Variants in HCN1 observed in about 807,000 individuals in gnomAD.
HCN1 encodes the protein hyperpolarization activated cyclic nucleotide gated potassium channel 1, also known as potassium/sodium hyperpolarization-activated cyclic nucleotide-gated channel 1.
Under a neutral mutation model 78.9 loss-of-function variants are expected in HCN1, and 13 were observed. The observed-to-expected ratio is 0.16, with a 90% CI of 0.11 to 0.26. The LOEUF (loss-of-function observed/expected upper bound fraction) is 0.26, where lower values mean the gene tolerates loss of function less well. Ranked by LOEUF, HCN1 falls within the 10% of genes least tolerant of loss-of-function variation. The pLI is 1.00. For synonymous variants in HCN1, 552 were observed against 455.5 expected (o/e 1.21, Z -2.70); for missense variants, 810 against 1,154.3 (o/e 0.70, Z 4.32).
At chr5:45,510,542 C>T (rs550057483) in intron 2 of HCN1, among the ~76,000 whole-genome samples, 1 of 151,716 alleles carries the variant, frequency 6.6e-6, no homozygotes, top group Non-Finnish European at 1.5e-5. Flanking sequence ...GTGGGTATAC[C>T]AAATATAGTG....
chr5:45,567,956 ACTG>A (rs1743744386), intron 2 of HCN1, among the ~76,000 whole-genome samples: 2 of 151,698 alleles, frequency 1.3e-5, no homozygotes, highest in Admixed American at 6.6e-5. Context: ...ATATACACAC[ACTG>A]CTATCTATGG....
At chr5:45,419,249 C>G (rs940164882) in intron 3 of HCN1, among the ~76,000 whole-genome samples, 7 of 152,058 alleles carry the variant, frequency 4.6e-5, no homozygotes, top group African/African-American at 1.7e-4. Context: ...AACAAGTTAC[C>G]AAGTAACTGC....
intron 3 of HCN1, among the ~76,000 whole-genome samples, chr5:45,446,725 C>T (rs1375089071): frequency 2.0e-5 from 3 of 151,930 alleles, no homozygotes; most frequent in Non-Finnish European, 2.9e-5. Context: ...AGAGTGGGGG[C>T]CAATATTCAA....
intron 4 of HCN1, among the ~76,000 whole-genome samples, chr5:45,366,161 C>A (rs1307938931): frequency 7.2e-6 from 1 of 138,554 alleles, no homozygotes; most frequent in South Asian, 2.3e-4. Context: ...TACATTATAG[C>A]ATTTGTGTGT....
At chr5:45,584,804 G>T (rs572666382) in intron 2 of HCN1, among the ~76,000 whole-genome samples, 1 of 152,256 alleles carries the variant, frequency 6.6e-6, no homozygotes, top group East Asian at 1.9e-4. Context: ...AGTTTGGCTG[G>T]ATATGAAATT....
chr5:45,356,022 T>C (rs1181716102), intron 4 of HCN1, among the ~76,000 whole-genome samples: 1 of 152,016 alleles, frequency 6.6e-6, no homozygotes, highest in African/African-American at 2.4e-5. Context: ...TATGAAAATA[T>C]CACTTCCATG....
chr5:45,364,366 C>T (rs948452051), intron 4 of HCN1, among the ~76,000 whole-genome samples: 1 of 151,918 alleles, frequency 6.6e-6, no homozygotes, highest in Admixed American at 6.6e-5. Context: ...AAACATCTAC[C>T]CTTACAACAT....
chr5:45,386,948 G>C (rs1334742744), intron 4 of HCN1, among the ~76,000 whole-genome samples: 1 of 151,964 alleles, frequency 6.6e-6, no homozygotes, highest in Non-Finnish European at 1.5e-5. Context: ...ACTTCAGTAA[G>C]TGGGAGACAG....
rs535259920 is a variant in HCN1, at chr5:45,372,807, T to C, written c.1231-19561A>G. 1.8e-4 allele frequency among the ~76,000 whole-genome samples: 26 copies of C among 141,502 alleles called. 1 individual carries two copies. The highest frequency in any genetic ancestry group is 6.9e-4 in the African/African-American group (26 of 37,868). 92.8% of individuals were successfully genotyped at this position (141,502 alleles called of 152,430 possible). A position where few individuals can be genotyped will look rare whatever the true frequency, so the allele number is the denominator to read the frequency against. On this transcript the variant is annotated intron_variant, in intron 4 of 7. Transcript: ENST00000303230. ...TACACAAAAATATTTACGTATTCTA[T>C]ACACAAATATATGTACGTATTCTAT...
intron 2 of HCN1, among the ~76,000 whole-genome samples, chr5:45,598,151 C>T (rs1744545249): frequency 6.6e-6 from 1 of 152,120 alleles, no homozygotes; most frequent in South Asian, 2.1e-4. Context: ...CATGACGATA[C>T]CCGACTTCAA....
At chr5:45,548,696 A>C (rs989974302) in intron 2 of HCN1, among the ~76,000 whole-genome samples, 5 of 152,148 alleles carry the variant, frequency 3.3e-5, no homozygotes, top group African/African-American at 1.2e-4. Context: ...GGAAAAGAGG[A>C]AGTCAAATTG....
intron 1 of HCN1, among the ~76,000 whole-genome samples, chr5:45,694,920 C>A (rs1488907960): frequency 1.3e-5 from 2 of 152,186 alleles, no homozygotes; most frequent in African/African-American, 4.8e-5. Context: ...AATAGACTTG[C>A]AGTCAAGGTC....
At chr5:45,334,409 A>T (rs569799998) in intron 5 of HCN1, among the ~76,000 whole-genome samples, 1 of 151,622 alleles carries the variant, frequency 6.6e-6, no homozygotes, top group East Asian at 1.9e-4. Flanking sequence ...ATTCCAGGCC[A>T]TGGTGAACAC....
Position 45,262,750 on chromosome 5 carries a change from T to C in HCN1, c.1844A>G (p.Asn615Ser), listed in dbSNP as rs773048866. The change falls in exon 8 of 8, where the codon AAC becomes AGC. Residue 615 changes from asparagine to serine, a missense_variant. Asn to Ser is a conservative substitution (Grantham distance 46). This residue lies in a region of HCN1 where 398 missense variants were observed against 381.3 expected (regional missense o/e 1.04). Transcript: ENST00000303230. Reference sequence around the variant, plus strand: ...CTTGAGGATTTCGTTCTCCTGATTGTTGAAAACACCAGTGTTCAGATCCTT... The same window carrying C: ...CTTGAGGATTTCGTTCTCCTGATTGCTGAAAACACCAGTGTTCAGATCCTT... ...FQKDLNTGVFNNQENEILKQI... is the reference protein window; with the variant it reads ...FQKDLNTGVFSNQENEILKQI... 4.3e-6 allele frequency: 7 copies of C among 1,614,028 alleles called. No homozygotes were observed. The highest frequency in any genetic ancestry group is 2.7e-5 in the African/African-American group (2 of 74,906).
intron 2 of HCN1, among the ~76,000 whole-genome samples, chr5:45,496,606 T>C (rs1391877820): frequency 6.6e-6 from 1 of 152,160 alleles, no homozygotes; most frequent in Non-Finnish European, 1.5e-5. Context: ...TTTTTCTTTA[T>C]TAGTCTTGCT....
At position 45,663,009 on chromosome 5, in the gene HCN1, A is replaced by T. The variant is rs1341592315; in HGVS notation, c.426-17401T>A. Among the ~76,000 whole-genome samples, 547 of 138,244 alleles carry T rather than the reference A, an allele frequency of 4.0e-3. 4 individuals are homozygous for T. Among genetic ancestry groups the T allele is most frequent in the African/African-American group, 0.014 (524 of 36,574 alleles). The allele number at this position is 138,244 out of a possible 152,430, so 90.7% of individuals were successfully genotyped here. A position where few individuals can be genotyped will look rare whatever the true frequency, so the allele number is the denominator to read the frequency against. The stretch of plus-strand genomic sequence containing the variant: ...AGCCCGCATCGCCAAGTCAATCCTA[A>T]GCCAAAAGAACAAAGCTGGAGGCAT... On this transcript the variant is annotated intron_variant, in intron 1 of 7. Transcript: ENST00000303230.
rs1436947750 is a variant in HCN1 at position 45,255,336 on chromosome 5, C to T, written c.*6585G>A. ...AAATGTCTTCACACTTGGAAGTTCC[C>T]TTAAAAAGCCCTTAAAATTTACCTC... On this transcript the variant is annotated 3_prime_UTR_variant, in exon 8 of 8. Transcript: ENST00000303230. The T allele has an allele frequency of 6.6e-6, 1 of 152,174 alleles. No homozygotes were observed. Among genetic ancestry groups the T allele is most frequent in the African/African-American group, 2.4e-5 (1 of 41,446 alleles). 9.4% of individuals were successfully genotyped at this position (152,174 alleles called of 1,614,324 possible).
chr5:45,357,867 C>G (rs1747032907), intron 4 of HCN1, among the ~76,000 whole-genome samples: 1 of 151,982 alleles, frequency 6.6e-6, no homozygotes, highest in Admixed American at 6.6e-5. Flanking sequence ...AAAGATTATG[C>G]CCTCCCTCAG....
chr5:45,607,811 C>T (rs1253133205), intron 2 of HCN1, among the ~76,000 whole-genome samples: 1 of 151,618 alleles, frequency 6.6e-6, no homozygotes. Flanking sequence ...AAAGCATTGT[C>T]TTTAAAATGA....
Sources: gnomAD v4.1 joint callset for allele counts (sites outside exome capture counted in the v4.1 genomes callset) on GRCh38, gnomAD v4.1.1 for gene constraint, gnomAD v4.1.1 regional missense constraint, MANE v1.5 for transcripts, NCBI Gene and HGNC (gene_info 2026-07-23, HGNC 2026-07-21) for gene names.